The following ATXN7L1 variants were observed in gnomAD, a reference collection of about 807,000 sequenced individuals.
ATXN7L1 encodes the protein ataxin 7 like 1, also known as ataxin-7-like protein 1.
ATXN7L1 carries 15 observed loss-of-function variants against 70.8 expected under a neutral mutation model. That is an observed-to-expected ratio of 0.21 (90% confidence interval 0.14 to 0.33). The LOEUF is 0.33. Ranked by LOEUF, ATXN7L1 falls within the 10% of genes least tolerant of loss-of-function variation. ATXN7L1 has a pLI of 1.00. For synonymous variants in ATXN7L1, 440 were observed against 445.1 expected (o/e 0.99, Z 0.14); for missense variants, 975 against 1,097.1 (o/e 0.89, Z 1.57).
At chr7:105,617,897 C>A (rs760640858) in intron 9 of ATXN7L1, 10 of 456,326 alleles carry the variant, frequency 2.2e-5, no homozygotes, top group African/African-American at 4.0e-5. Context: ...GTCTTCCACG[C>A]CCCCATCGGC....
At chr7:105,652,782 G>A (rs1800048200) in intron 4 of ATXN7L1, among the ~76,000 whole-genome samples, 1 of 152,182 alleles carries the variant, frequency 6.6e-6, no homozygotes, top group African/African-American at 2.4e-5. Flanking sequence ...TTCTGAGCAC[G>A]CTGAAAGATG....
chr7:105,829,921 C>T (rs1397268941), intron 2 of ATXN7L1, among the ~76,000 whole-genome samples: 1 of 152,182 alleles, frequency 6.6e-6, no homozygotes, highest in Non-Finnish European at 1.5e-5. Flanking sequence ...AAAACATTCC[C>T]TGCAGGAAAG....
At chr7:105,611,489 A>G (rs935958761) in intron 10 of ATXN7L1, among the ~76,000 whole-genome samples, 1 of 152,226 alleles carries the variant, frequency 6.6e-6, no homozygotes, top group Non-Finnish European at 1.5e-5. Context: ...CTCCTGCCTC[A>G]GCCTCCCGAG....
chr7:105,775,307 G>T (rs1802570871), intron 3 of ATXN7L1, among the ~76,000 whole-genome samples: 1 of 152,164 alleles, frequency 6.6e-6, no homozygotes, highest in Non-Finnish European at 1.5e-5. Context: ...TGGGGAGGGG[G>T]GAACCCAGAA....
At chr7:105,635,900 A>G (rs917427826) in intron 7 of ATXN7L1, among the ~76,000 whole-genome samples, 1 of 149,618 alleles carries the variant, frequency 6.7e-6, no homozygotes, top group Non-Finnish European at 1.5e-5. Flanking sequence ...CATCTATTAT[A>G]TATACATCAA....
intron 3 of ATXN7L1, among the ~76,000 whole-genome samples, chr7:105,705,645 A>G (rs1233451736): frequency 6.6e-6 from 1 of 152,090 alleles, no homozygotes; most frequent in Non-Finnish European, 1.5e-5. Context: ...TTGCCACACT[A>G]GACAACTGAG....
At chr7:105,636,286 T>C (rs1797349142) in intron 7 of ATXN7L1, among the ~76,000 whole-genome samples, 1 of 151,904 alleles carries the variant, frequency 6.6e-6, no homozygotes, top group African/African-American at 2.4e-5. Context: ...TCCCAGCTAC[T>C]TGGGAGGCTG....
At chr7:105,660,995 T>G (rs1033389422) in intron 4 of ATXN7L1, among the ~76,000 whole-genome samples, 1 of 152,186 alleles carries the variant, frequency 6.6e-6, no homozygotes, top group South Asian at 2.1e-4. Flanking sequence ...AGCTTATGTT[T>G]CTATTTACAG....
chr7:105,672,587 T>C (rs1048006454), intron 3 of ATXN7L1, among the ~76,000 whole-genome samples: 4 of 152,230 alleles, frequency 2.6e-5, no homozygotes, highest in African/African-American at 7.2e-5. Context: ...GGCTCAGAGA[T>C]ACAATGAGTT....
At chr7:105,722,297 T>C (rs540234632) in intron 3 of ATXN7L1, among the ~76,000 whole-genome samples, 1 of 152,198 alleles carries the variant, frequency 6.6e-6, no homozygotes, top group Admixed American at 6.5e-5. Flanking sequence ...GCACAGTGGC[T>C]CATGCCTATA....
At chr7:105,635,175 C>A (rs549621067) in intron 7 of ATXN7L1, among the ~76,000 whole-genome samples, 16 of 152,192 alleles carry the variant, frequency 1.1e-4, no homozygotes, top group Non-Finnish European at 1.8e-4. Context: ...CAGCTTCCTG[C>A]GGGCTCTCAG....
intron 4 of ATXN7L1, among the ~76,000 whole-genome samples, chr7:105,656,356 A>G (rs999489958): frequency 1.3e-5 from 2 of 152,200 alleles, no homozygotes; most frequent in African/African-American, 4.8e-5. Flanking sequence ...CATCAACTAC[A>G]TAGATGTCAA....
chr7:105,834,649 G>A (rs1001057646), intron 2 of ATXN7L1, among the ~76,000 whole-genome samples: 2 of 152,118 alleles, frequency 1.3e-5, no homozygotes, highest in Non-Finnish European at 2.9e-5. Flanking sequence ...ATTTTCTGAT[G>A]AGTCTGTAAG....
At chr7:105,636,887 T>C (rs914216730) in intron 7 of ATXN7L1, among the ~76,000 whole-genome samples, 3 of 152,166 alleles carry the variant, frequency 2.0e-5, no homozygotes, top group Non-Finnish European at 4.4e-5. Context: ...AAGGTTGTGC[T>C]GGAATGAAAA....
At chr7:105,819,563 T>A in intron 2 of ATXN7L1, 2 of 1,302,810 alleles carry the variant, frequency 1.5e-6, no homozygotes, top group Non-Finnish European at 2.2e-6. Flanking sequence ...CCATCGTGGC[T>A]AAGTAGGTAC....
chr7:105,666,547 G>T (rs563476014), intron 3 of ATXN7L1, among the ~76,000 whole-genome samples: 25 of 152,294 alleles, frequency 1.6e-4, no homozygotes, highest in African/African-American at 6.0e-4. Flanking sequence ...GGAGTCTGGG[G>T]TTTTTCTCTG....
intron 7 of ATXN7L1, among the ~76,000 whole-genome samples, chr7:105,626,007 C>T (rs1795648599): frequency 6.6e-6 from 1 of 152,194 alleles, no homozygotes; most frequent in African/African-American, 2.4e-5. Context: ...GATCTGTCTC[C>T]CTTTTCTCTT....
chr7:105,770,846 C>G (rs1405925151), intron 3 of ATXN7L1, among the ~76,000 whole-genome samples: 2 of 152,180 alleles, frequency 1.3e-5, no homozygotes, highest in African/African-American at 2.4e-5. Flanking sequence ...TCTCCAAGCT[C>G]TTGCTTCTCA....
chr7:105,703,553 T>C (rs1415313043), intron 3 of ATXN7L1, among the ~76,000 whole-genome samples: 1 of 152,208 alleles, frequency 6.6e-6, no homozygotes, highest in African/African-American at 2.4e-5. Context: ...TGACTTAGTA[T>C]AATCACTGCT....
Sources: gnomAD v4.1 joint callset for allele counts (sites outside exome capture counted in the v4.1 genomes callset) on GRCh38, gnomAD v4.1.1 for gene constraint, MANE v1.5 for transcripts, NCBI Gene and HGNC (gene_info 2026-07-23, HGNC 2026-07-21) for gene names.